Variants in CTNND2 observed in about 807,000 individuals in gnomAD.
CTNND2 encodes the protein catenin delta 2.
CTNND2 carries 22 observed loss-of-function variants against 144.4 expected under a neutral mutation model. The observed-to-expected ratio is 0.15, with a 90% confidence interval of 0.11 to 0.22. The LOEUF is 0.22. CTNND2 is among the 10% of genes least tolerant of loss of function. CTNND2 has a pLI of 1.00. For missense variants in CTNND2, 1,353 were observed against 1,618.8 expected, an observed-to-expected ratio of 0.84 and a Z score of 2.82; for synonymous variants, 751 against 695.6, an observed-to-expected ratio of 1.08 and a Z score of -1.25.
chr5:11,148,794 A>T (rs973899736), intron 12 of CTNND2, among the ~76,000 whole-genome samples: 1 of 152,214 alleles, frequency 6.6e-6, no homozygotes, highest in Admixed American at 6.5e-5. Context: ...TTCTGCCTCA[A>T]TGATTTCCCC....
intron 2 of CTNND2, among the ~76,000 whole-genome samples, chr5:11,700,028 G>C (rs932714083): frequency 2.6e-5 from 4 of 152,264 alleles, no homozygotes; most frequent in Middle Eastern, 3.4e-3. Context: ...TGTGTGGGGG[G>C]CACTGTGGGT....
intron 9 of CTNND2, among the ~76,000 whole-genome samples, chr5:11,261,465 A>G (rs942968266): frequency 6.6e-6 from 1 of 152,238 alleles, no homozygotes; most frequent in Non-Finnish European, 1.5e-5. Context: ...ACAAATACCC[A>G]ATTATAAAAT....
intron 7 of CTNND2, among the ~76,000 whole-genome samples, chr5:11,375,892 T>G (rs973107546): frequency 3.3e-5 from 5 of 152,214 alleles, no homozygotes; most frequent in Admixed American, 1.3e-4. Context: ...GCGAACTGAC[T>G]ACTAGGGTCT....
chr5:11,665,958 T>C (rs1016225919), intron 2 of CTNND2, among the ~76,000 whole-genome samples: 2 of 152,144 alleles, frequency 1.3e-5, no homozygotes, highest in Non-Finnish European at 2.9e-5. Context: ...AGGAATCATA[T>C]ATATTATGAG....
At chr5:11,266,386 T>C (rs1745442432) in intron 9 of CTNND2, among the ~76,000 whole-genome samples, 1 of 152,202 alleles carries the variant, frequency 6.6e-6, no homozygotes, top group Non-Finnish European at 1.5e-5. Context: ...ACAAATATAC[T>C]TGGAACAAGA....
chr5:11,094,242 T>C (rs150622741), intron 15 of CTNND2, among the ~76,000 whole-genome samples: 4 of 152,336 alleles, frequency 2.6e-5, no homozygotes, highest in African/African-American at 4.8e-5. Flanking sequence ...GGAAATCTTT[T>C]GCAAATGCTT....
chr5:11,301,766 T>C (rs994342865), intron 9 of CTNND2, among the ~76,000 whole-genome samples: 2 of 152,226 alleles, frequency 1.3e-5, no homozygotes, highest in Non-Finnish European at 2.9e-5. Context: ...ACATACTACA[T>C]TTCGATCACA....
intron 9 of CTNND2, among the ~76,000 whole-genome samples, chr5:11,260,988 T>C (rs1744801289): frequency 6.6e-6 from 1 of 152,120 alleles, no homozygotes; most frequent in Non-Finnish European, 1.5e-5. Flanking sequence ...AGCTGTCGAA[T>C]TGGCTCACAC....
At chr5:11,008,275 G>C (rs1740697725) in intron 18 of CTNND2, among the ~76,000 whole-genome samples, 1 of 152,214 alleles carries the variant, frequency 6.6e-6, no homozygotes, top group Non-Finnish European at 1.5e-5. Flanking sequence ...CAGATGTGAT[G>C]AAGTTAAAGA....
chr5:11,860,080 A>C (rs1007726213), intron 1 of CTNND2, among the ~76,000 whole-genome samples: 1 of 152,230 alleles, frequency 6.6e-6, no homozygotes, highest in Non-Finnish European at 1.5e-5. Context: ...AATCGGATTA[A>C]ATATCTAAAA....
chr5:11,269,695 G>A (rs1398128096), intron 9 of CTNND2, among the ~76,000 whole-genome samples: 1 of 152,114 alleles, frequency 6.6e-6, no homozygotes, highest in East Asian at 1.9e-4. Context: ...CACAAAAAAG[G>A]TGCCTCTCTT....
intron 1 of CTNND2, among the ~76,000 whole-genome samples, chr5:11,893,376 G>A (rs1469737894): frequency 2.0e-5 from 3 of 152,130 alleles, no homozygotes; most frequent in Non-Finnish European, 4.4e-5. Context: ...ATCTAGCGCT[G>A]GAGGTATATA....
chr5:11,402,231 C>A (rs1181408123), intron 5 of CTNND2, among the ~76,000 whole-genome samples: 1 of 152,124 alleles, frequency 6.6e-6, no homozygotes, highest in Non-Finnish European at 1.5e-5. Context: ...ATTCTTTTTT[C>A]CATCAACCTC....
intron 2 of CTNND2, among the ~76,000 whole-genome samples, chr5:11,662,150 T>A (rs1419046697): frequency 8.8e-6 from 1 of 113,170 alleles, no homozygotes; most frequent in African/African-American, 4.6e-5. Flanking sequence ...TATATACACA[T>A]ATATATGTGT....
At chr5:11,046,829 C>T (rs1745312388) in intron 16 of CTNND2, among the ~76,000 whole-genome samples, 1 of 151,436 alleles carries the variant, frequency 6.6e-6, no homozygotes, top group Admixed American at 6.6e-5. Flanking sequence ...TCTGTTAAAA[C>T]AAAACAAAAC....
chr5:11,439,470 T>C (rs1764055544), intron 3 of CTNND2, among the ~76,000 whole-genome samples: 1 of 152,178 alleles, frequency 6.6e-6, no homozygotes, highest in Admixed American at 6.5e-5. Context: ...GAAGATGTGA[T>C]AAATAAATGT....
chr5:11,676,057 C>A (rs1252031308), intron 2 of CTNND2, among the ~76,000 whole-genome samples: 2 of 151,928 alleles, frequency 1.3e-5, no homozygotes, highest in African/African-American at 4.8e-5. Flanking sequence ...AGACACCTCC[C>A]AGTAGGGGCC....
intron 1 of CTNND2, among the ~76,000 whole-genome samples, chr5:11,819,710 C>G (rs747359828): frequency 6.6e-5 from 10 of 152,146 alleles, no homozygotes; most frequent in Non-Finnish European, 1.5e-4. Context: ...CTGTATAGCC[C>G]TGTTGCCAGG....
chr5:11,124,655 C>T (rs1179433015), intron 12 of CTNND2, among the ~76,000 whole-genome samples: 1 of 152,104 alleles, frequency 6.6e-6, no homozygotes, highest in Non-Finnish European at 1.5e-5. Context: ...AAATGTAAAA[C>T]CTGTTCTTAC....
Sources: gnomAD v4.1 joint callset for allele counts (sites outside exome capture counted in the v4.1 genomes callset) on GRCh38, gnomAD v4.1.1 for gene constraint, MANE v1.5 for transcripts, NCBI Gene and HGNC (gene_info 2026-07-23, HGNC 2026-07-21) for gene names.